Variants in MACROD1 observed in about 807,000 individuals in gnomAD.
The protein encoded by MACROD1 is ADP-ribose glycohydrolase MACROD1.
In MACROD1, 31 loss-of-function variants were observed where a neutral mutation model predicts 41.4. That is an observed-to-expected ratio of 0.75 (90% CI 0.56 to 1.01). The LOEUF is 1.01. Among genes scored for constraint, MACROD1 ranks in the 50% least tolerant of loss-of-function variants. MACROD1 has a pLI of 0.00. For synonymous variants in MACROD1, 252 were observed against 203.4 expected (o/e 1.24, Z -2.03); for missense variants, 473 against 460.0 (o/e 1.03, Z -0.26).
chr11:64,110,958 A>AG (rs1442257053), intron 3 of MACROD1, among the ~76,000 whole-genome samples: 3 of 152,030 alleles, frequency 2.0e-5, no homozygotes, highest in Non-Finnish European at 4.4e-5. Context: ...GGCCTTGGGG[A>AG]GGGGGGCGGC....
chr11:64,082,337 G>C lies in MACROD1; in HGVS notation c.518-67056C>G, dbSNP rs1005741512. On this transcript the variant is annotated intron_variant, in intron 3 of 10. Transcript: ENST00000255681. This position sits in a 1 kb window ranked among gnomAD's most constrained non-coding sequence, Gnocchi z 4.5. The stretch of plus-strand genomic sequence containing the variant: ...CGCTGGGTGGAGGATGATCCGGGGG[G>C]ACCGTGGAAGGCAGGACGGGGGCCA... Among the ~76,000 whole-genome samples, 1 of 152,028 alleles carries C rather than the reference G, an allele frequency of 6.6e-6. No individual in the cohort carries two copies. The highest frequency in any genetic ancestry group is 1.5e-5 in the Non-Finnish European group (1 of 67,982).
chr11:64,105,047 G>A (rs1222318561), intron 3 of MACROD1, among the ~76,000 whole-genome samples: 1 of 152,238 alleles, frequency 6.6e-6, no homozygotes, highest in Non-Finnish European at 1.5e-5. Flanking sequence ...CCAGGGCCTG[G>A]GACATTCGTC....
chr11:64,001,270 G>A, intron 4 of MACROD1: 1 of 613,374 alleles, frequency 1.6e-6, no homozygotes, highest in Non-Finnish European at 2.9e-6. Flanking sequence ...CCTCTCTGGC[G>A]TCCACCCTCT....
At chr11:64,074,218 C>T (rs1166214015) in intron 3 of MACROD1, among the ~76,000 whole-genome samples, 1 of 152,232 alleles carries the variant, frequency 6.6e-6, no homozygotes, top group Non-Finnish European at 1.5e-5. Flanking sequence ...AGGGCTTCCC[C>T]CAAGGCCCCA....
Position 64,064,516 on chromosome 11 carries a change from A to G in MACROD1, c.518-49235T>C, listed in dbSNP as rs1590858797. Among the ~76,000 whole-genome samples, 1 of 152,020 alleles carries G rather than the reference A, an allele frequency of 6.6e-6. No individual in the cohort carries two copies. Among genetic ancestry groups the G allele is most frequent in the African/African-American group, 2.4e-5 (1 of 41,390 alleles). On this transcript the variant is annotated intron_variant, in intron 3 of 10. Coordinates refer to ENST00000255681, the MANE Select transcript of MACROD1 (RefSeq NM_014067.4). The surrounding 1 kb of genome is among the most constrained non-coding windows in gnomAD (Gnocchi z 4.5). ...CCGGATGGGCACGCAGGCAGGGTGC[A>G]TATGTACGTATGTGCCTGGCATGGT...
At chr11:64,072,005 G>T (rs1944116721) in intron 3 of MACROD1, among the ~76,000 whole-genome samples, 1 of 152,228 alleles carries the variant, frequency 6.6e-6, no homozygotes, top group African/African-American at 2.4e-5. Flanking sequence ...GCTCCAGCAG[G>T]TCGATAGCAA....
intron 3 of MACROD1, among the ~76,000 whole-genome samples, chr11:64,020,651 C>T (rs1410977253): frequency 2.6e-5 from 4 of 152,260 alleles, no homozygotes; most frequent in Admixed American, 2.6e-4. Flanking sequence ...CCTCAGGTCT[C>T]CTGGCCCCCG....
chr11:64,126,777 T>TGACC (rs58647229), intron 3 of MACROD1: 16,859 of 152,188 alleles, frequency 0.11, 1,166 homozygotes, highest in Non-Finnish European at 0.16. Context: ...CCCAAGCCTG[T>TGACC]GACCGAGGTC....
chr11:64,027,749 C>T (rs1373095043), intron 3 of MACROD1, among the ~76,000 whole-genome samples: 1 of 152,136 alleles, frequency 6.6e-6, no homozygotes, highest in African/African-American at 2.4e-5. Flanking sequence ...GCACTACACT[C>T]GGCCTACAAT....
intron 3 of MACROD1, among the ~76,000 whole-genome samples, chr11:64,069,800 A>G (rs1472678056): frequency 6.6e-6 from 1 of 152,256 alleles, no homozygotes; most frequent in Non-Finnish European, 1.5e-5. Flanking sequence ...CTGCAGACGC[A>G]GCAGACGCAA....
At chr11:64,041,361 G>A (rs995276138) in intron 3 of MACROD1, among the ~76,000 whole-genome samples, 4 of 151,614 alleles carry the variant, frequency 2.6e-5, no homozygotes, top group South Asian at 2.1e-4. Flanking sequence ...CCCCCGTGAC[G>A]CCTGGGAAAT....
At chr11:64,141,322 C>T (rs797005832) in intron 3 of MACROD1, among the ~76,000 whole-genome samples, 19 of 152,298 alleles carry the variant, frequency 1.2e-4, no homozygotes, top group African/African-American at 4.6e-4. Flanking sequence ...GTGTCTGAGC[C>T]CACTCTAGAG....
At chr11:64,007,599 C>G (rs1005688937) in intron 4 of MACROD1, among the ~76,000 whole-genome samples, 1 of 152,072 alleles carries the variant, frequency 6.6e-6, no homozygotes, top group Non-Finnish European at 1.5e-5. Flanking sequence ...TTGATTCGAG[C>G]GCGGTGGGAA....
chr11:64,025,710 C>G lies in MACROD1; in HGVS notation c.518-10429G>C, dbSNP rs4980519. Among the ~76,000 whole-genome samples the G allele has an allele frequency of 1.6e-4, 20 of 124,796 alleles. No individual in the cohort carries two copies. The East Asian group carries it at 2.3e-3, about 15-fold the overall frequency. 81.9% of individuals were successfully genotyped at this position (124,796 alleles called of 152,430 possible). A position where few individuals can be genotyped will look rare whatever the true frequency, so the allele number is the denominator to read the frequency against. ...GCAGGCCCACACTGCTCTCATGGGC[C>G]CCCCCCGCTCCTTTTTTTTTTTTTT... On this transcript the variant is annotated intron_variant, in intron 3 of 10. Coordinates refer to ENST00000255681, the MANE Select transcript of MACROD1 (RefSeq NM_014067.4).
chr11:64,123,444 G>T (rs897274256), intron 3 of MACROD1, among the ~76,000 whole-genome samples: 3 of 151,944 alleles, frequency 2.0e-5, no homozygotes, highest in African/African-American at 7.3e-5. Context: ...AAACTCCTTG[G>T]AGGTGCAGGG....
At chr11:64,117,017 C>T in intron 3 of MACROD1, 3 of 1,612,618 alleles carry the variant, frequency 1.9e-6, no homozygotes, top group South Asian at 2.2e-5. Flanking sequence ...TACAGAACCT[C>T]ACAGAGCTCT....
At chr11:64,116,061 T>C (rs1944973108) in intron 3 of MACROD1, among the ~76,000 whole-genome samples, 1 of 152,192 alleles carries the variant, frequency 6.6e-6, no homozygotes, top group Non-Finnish European at 1.5e-5. Flanking sequence ...GGCATAAACC[T>C]GGCACAAAGG....
At chr11:64,152,429 G>A in intron 1 of MACROD1, 36 bp from the exon 2 acceptor site, 1 of 1,539,134 alleles carries the variant, frequency 6.5e-7, no homozygotes, top group East Asian at 2.2e-5. Context: ...GGTGGGGGCA[G>A]AGGAACGGGC....
chr11:64,098,353 C>T (rs1269513939), intron 3 of MACROD1, among the ~76,000 whole-genome samples: 2 of 152,318 alleles, frequency 1.3e-5, no homozygotes, highest in South Asian at 2.1e-4. Context: ...ACCAAGCCCT[C>T]CCACCTCCAG....
Sources: allele counts gnomAD v4.1 joint callset (sites outside exome capture counted in the v4.1 genomes callset), GRCh38; gene constraint gnomAD v4.1.1; non-coding constraint Gnocchi (gnomAD v3.1); transcripts MANE v1.5; gene names NCBI Gene and HGNC (gene_info 2026-07-23, HGNC 2026-07-21).